Variants in AKT3 observed in about 807,000 individuals in gnomAD.
AKT3 encodes AKT serine/threonine kinase 3.
A neutral mutation model predicts 65.3 loss-of-function variants in AKT3; 15 were observed. That is an observed-to-expected ratio of 0.23 (90% CI 0.15 to 0.35). The LOEUF is 0.35. AKT3 is among the 10% of genes least tolerant of loss of function. AKT3 has a pLI of 1.00. For missense variants in AKT3, 243 were observed against 576.5 expected, an observed-to-expected ratio of 0.42 and a Z score of 5.92; for synonymous variants, 206 against 183.8, an observed-to-expected ratio of 1.12 and a Z score of -0.98.
intron 2 of AKT3, among the ~76,000 whole-genome samples, chr1:243,763,910 A>T (rs1689650645): frequency 2.0e-5 from 3 of 152,112 alleles, no homozygotes; most frequent in African/African-American, 4.8e-5. Flanking sequence ...TTGTAAATGG[A>T]CAGTCTTCAC....
At chr1:243,763,045 G>C (rs1032525297) in intron 2 of AKT3, among the ~76,000 whole-genome samples, 2 of 151,798 alleles carry the variant, frequency 1.3e-5, no homozygotes, top group Middle Eastern at 6.8e-3. Context: ...AAAATTGTAC[G>C]GCTTATTACT....
intron 8 of AKT3, among the ~76,000 whole-genome samples, chr1:243,602,765 A>C (rs970530866): frequency 4.6e-5 from 7 of 152,228 alleles, no homozygotes; most frequent in African/African-American, 1.7e-4. Flanking sequence ...ATAGTAGTAC[A>C]TAACTGAAAC....
rs180839812 is a variant in AKT3 at position 243,583,375 on chromosome 1, G to C, written c.697-10327C>G. Reference sequence around the variant, plus strand: ...TACTAGCATGAGTGAGATCATTCAGGCAGAAAAGTCACACATTCTGGACTT... The same window carrying C: ...TACTAGCATGAGTGAGATCATTCAGCCAGAAAAGTCACACATTCTGGACTT... On this transcript the variant is annotated intron_variant, in intron 8 of 13. Coordinates refer to ENST00000673466, the MANE Select transcript of AKT3 (RefSeq NM_005465.7). Among the ~76,000 whole-genome samples the C allele has an allele frequency of 1.2e-3, 182 of 149,760 alleles. 1 individual carries two copies. Among genetic ancestry groups the C allele is most frequent in the African/African-American group, 4.3e-3 (176 of 40,834 alleles).
At chr1:243,849,148 C>A (rs1695639117) in intron 1 of AKT3, among the ~76,000 whole-genome samples, 1 of 152,212 alleles carries the variant, frequency 6.6e-6, no homozygotes, top group Non-Finnish European at 1.5e-5. Flanking sequence ...CTCTGAAGGG[C>A]CCCACCGGCA....
intron 8 of AKT3, among the ~76,000 whole-genome samples, chr1:243,598,285 A>T (rs1208542616): frequency 6.6e-6 from 1 of 152,194 alleles, no homozygotes; most frequent in African/African-American, 2.4e-5. Context: ...CATATATAAT[A>T]GTTGAATAAT....
Position 243,521,892 on chromosome 1 carries a change from T to C in AKT3, c.1252-9466A>G, listed in dbSNP as rs189408140. ...ATTTTCTTTTCTGTGATAAATTTTC[T>C]CATTCAAAAATAACTTCATAAGCAC... On this transcript the variant is annotated intron_variant, in intron 12 of 13. Transcript: ENST00000673466. 1.3e-5 allele frequency among the ~76,000 whole-genome samples: 2 copies of C among 152,364 alleles called. 1 individual carries two copies. The highest frequency in any genetic ancestry group is 1.3e-4 in the Admixed American group (2 of 15,302).
chr1:243,713,959 A>G (rs920367318), intron 2 of AKT3, among the ~76,000 whole-genome samples: 4 of 150,882 alleles, frequency 2.7e-5, no homozygotes, highest in Non-Finnish European at 5.9e-5. Flanking sequence ...ATGCTAAGGG[A>G]AAAAAAAACT....
intron 2 of AKT3, chr1:243,702,750 T>TC (rs1287137254): frequency 1.3e-5 from 2 of 152,178 alleles, no homozygotes; most frequent in African/African-American, 2.4e-5. Flanking sequence ...GAAGAGGTTA[T>TC]CCAACATCTA....
intron 12 of AKT3, among the ~76,000 whole-genome samples, chr1:243,514,548 C>T (rs1209241889): frequency 1.3e-5 from 2 of 152,136 alleles, no homozygotes; most frequent in Non-Finnish European, 2.9e-5. Context: ...ATATGATATA[C>T]ATGTATTTGT....
intron 12 of AKT3, among the ~76,000 whole-genome samples, chr1:243,540,584 G>A (rs1386213752): frequency 6.6e-6 from 1 of 151,998 alleles, no homozygotes; most frequent in Non-Finnish European, 1.5e-5. Context: ...TCTGTATCTT[G>A]TATAGCCATA....
intron 12 of AKT3, among the ~76,000 whole-genome samples, chr1:243,521,496 T>C (rs1670717661): frequency 6.6e-6 from 1 of 152,232 alleles, no homozygotes; most frequent in Non-Finnish European, 1.5e-5. Flanking sequence ...CTAATGGGTA[T>C]GTGGCATACA....
intron 2 of AKT3, among the ~76,000 whole-genome samples, chr1:243,802,360 A>G (rs1308865100): frequency 2.6e-5 from 4 of 152,218 alleles, no homozygotes; most frequent in Non-Finnish European, 4.4e-5. Context: ...ATAGCTATAC[A>G]TTTATAATTT....
chr1:243,647,799 A>G (rs1680952364), intron 4 of AKT3, among the ~76,000 whole-genome samples: 1 of 152,240 alleles, frequency 6.6e-6, no homozygotes, highest in South Asian at 2.1e-4. Flanking sequence ...AATGAAAGTA[A>G]ACAGCAGCAT....
At chr1:243,777,445 G>A (rs1392821063) in intron 2 of AKT3, among the ~76,000 whole-genome samples, 1 of 152,182 alleles carries the variant, frequency 6.6e-6, no homozygotes, top group African/African-American at 2.4e-5. Flanking sequence ...AACAGGTAGG[G>A]TATGAGAAAA....
chr1:243,613,541 T>C (rs1444009069), intron 8 of AKT3, 130 bp downstream of exon 8: 5 of 538,248 alleles, frequency 9.3e-6, no homozygotes, highest in East Asian at 3.3e-5. Flanking sequence ...ATTTGTTCAA[T>C]AGTATTAAGA....
intron 2 of AKT3, among the ~76,000 whole-genome samples, chr1:243,746,040 A>G (rs1487859840): frequency 6.6e-6 from 1 of 152,202 alleles, no homozygotes; most frequent in East Asian, 1.9e-4. Context: ...CAAAAACTTC[A>G]AAAAAACAAA....
intron 2 of AKT3, among the ~76,000 whole-genome samples, chr1:243,746,962 C>T (rs1167807041): frequency 6.6e-6 from 1 of 152,058 alleles, no homozygotes; most frequent in East Asian, 1.9e-4. Context: ...TAACAACAAT[C>T]ATCAAAAGGG....
chr1:243,609,155 G>A (rs554882506), intron 8 of AKT3, among the ~76,000 whole-genome samples: 6 of 151,500 alleles, frequency 4.0e-5, no homozygotes, highest in African/African-American at 1.5e-4. Flanking sequence ...AACACATCAA[G>A]CATAGATTTC....
intron 10 of AKT3, among the ~76,000 whole-genome samples, chr1:243,559,478 G>C (rs1400126770): frequency 6.6e-6 from 1 of 152,014 alleles, no homozygotes; most frequent in Non-Finnish European, 1.5e-5. Context: ...TATTTATACT[G>C]TAAGTTTTAT....
Sources: gnomAD v4.1 joint callset for allele counts (sites outside exome capture counted in the v4.1 genomes callset) on GRCh38, gnomAD v4.1.1 for gene constraint, MANE v1.5 for transcripts, NCBI Gene and HGNC (gene_info 2026-07-23, HGNC 2026-07-21) for gene names.